The following CFH variants were observed in gnomAD, a reference collection of about 807,000 sequenced individuals.
CFH encodes H factor 1 (complement).
Under a neutral mutation model 147.3 loss-of-function variants are expected in CFH, and 53 were observed. The observed-to-expected ratio is 0.36, with a 90% CI of 0.29 to 0.45. The LOEUF (loss-of-function observed/expected upper bound fraction) is 0.45. CFH is among the 20% of genes least tolerant of loss of function. CFH has a pLI of 1.00. For missense variants in CFH, 1,380 were observed against 1,498.0 expected (o/e 0.92, Z 1.30); for synonymous variants, 536 against 489.4 (o/e 1.10, Z -1.26).
chr1:196,670,103 C>G (rs921516581), intron 1 of CFH, among the ~76,000 whole-genome samples: 1 of 152,144 alleles, frequency 6.6e-6, no homozygotes, highest in African/African-American at 2.4e-5. Flanking sequence ...TTGTTTTAGC[C>G]AATTCATCCC....
At chr1:196,672,023 T>A (rs928216776) in intron 1 of CFH, among the ~76,000 whole-genome samples, 1 of 151,950 alleles carries the variant, frequency 6.6e-6, no homozygotes, top group East Asian at 1.9e-4. Flanking sequence ...TGTATTTGAG[T>A]CAGATCCATT....
Position 196,673,020 on chromosome 1 carries a change from C to G in CFH, c.101C>G (p.Thr34Arg), listed in dbSNP as rs765897045. 16 of 1,613,902 alleles carry G rather than the reference C, an allele frequency of 9.9e-6. No individual in the cohort carries two copies. Among genetic ancestry groups the G allele is most frequent in the Non-Finnish European group, 1.4e-5 (16 of 1,179,938 alleles). ...CCAAGAAGAAATACAGAAATTCTGA[C>G]AGGTTCCTGGTCTGACCAAACATAT... ...LPPRRNTEIL[T>R]GSWSDQTYPE... Residue 34 changes from threonine (T) to arginine (R), a missense_variant, in exon 2 of 22, where the codon ACA becomes AGA. Around this residue, in one of 4 missense-constraint regions of CFH, gnomAD observed 260 missense variants for 263.3 expected, o/e 0.99. Coordinates refer to ENST00000367429, the MANE Select transcript of CFH (RefSeq NM_000186.4).
intron 8 of CFH, 33 bp downstream of exon 8, chr1:196,689,647 A>G (rs1305075680): frequency 1.2e-6 from 2 of 1,607,258 alleles, no homozygotes; most frequent in South Asian, 1.1e-5. Context: ...ATATATATGT[A>G]TAAAACTTTC....
intron 9 of CFH, among the ~76,000 whole-genome samples, chr1:196,703,877 G>A (rs1386135947): frequency 6.7e-6 from 1 of 150,324 alleles, no homozygotes; most frequent in East Asian, 2.0e-4. Context: ...CCAGCTACTC[G>A]GGAGGCTGAG....
chr1:196,728,391 T>C lies in CFH; in HGVS notation c.2282T>C (p.Leu761Pro), dbSNP rs942090960. 3.1e-6 allele frequency: 5 copies of C among 1,591,652 alleles called. No homozygotes were observed. The highest frequency in any genetic ancestry group is 4.3e-6 in the Non-Finnish European group (5 of 1,163,162). The stretch of plus-strand genomic sequence containing the variant: ...TGCAAATCATCAAATTTAATTATAC[T>C]TGAGGAACATTTAAAAAACAAGAAG... ...KKCKSSNLII[L>P]EEHLKNKKEF... Residue 761 changes from leucine to proline, a missense_variant, in exon 15 of 22, where the codon CTT (leucine) becomes CCT (proline). Physicochemically the swap from Leu to Pro is moderately conservative, Grantham distance 98 (BLOSUM62 -3). This residue lies in a region of CFH where 830 missense variants were observed against 821.4 expected (regional missense o/e 1.01). Transcript: ENST00000367429.
Position 196,726,800 on chromosome 1 carries a change from A to G in CFH, c.2096A>G (p.His699Arg). The G allele has an allele frequency of 6.2e-7, 1 of 1,613,882 alleles. No homozygotes were observed. Among genetic ancestry groups the G allele is most frequent in the Non-Finnish European group, 8.5e-7 (1 of 1,179,838 alleles). Residue 699 changes from histidine to arginine, a missense_variant, in exon 14 of 22, where the codon CAT (histidine) becomes CGT (arginine). Around this residue, in one of 4 missense-constraint regions of CFH, gnomAD observed 830 missense variants for 821.4 expected, o/e 1.01. Transcript: ENST00000367429. ...TGTGGAGATATACCTGAACTTGAAC[A>G]TGGCTGGGCCCAGCTTTCTTCCCCT... ...STCGDIPELE[H>R]GWAQLSSPPY...
At chr1:196,698,599 A>T (rs11580821) in intron 9 of CFH, among the ~76,000 whole-genome samples, 34,052 of 152,124 alleles carry the variant, frequency 0.22, 4,524 homozygotes, top group East Asian at 0.51. Context: ...TGCCAACCAA[A>T]AATAGCCCAG....
At chr1:196,721,701 T>C (rs1423277948) in intron 11 of CFH, among the ~76,000 whole-genome samples, 1 of 152,056 alleles carries the variant, frequency 6.6e-6, no homozygotes, top group Admixed American at 6.6e-5. Flanking sequence ...TCTTTCTACT[T>C]AGCTCTAGTA....
At chr1:196,661,684 A>G (rs1456449247) in intron 1 of CFH, among the ~76,000 whole-genome samples, 1 of 152,148 alleles carries the variant, frequency 6.6e-6, no homozygotes, top group African/African-American at 2.4e-5. Context: ...GTTTAAACAT[A>G]TAAATTGGGG....
At chr1:196,664,068 C>G (rs560278754) in intron 1 of CFH, among the ~76,000 whole-genome samples, 1 of 151,580 alleles carries the variant, frequency 6.6e-6, no homozygotes, top group Non-Finnish European at 1.5e-5. Context: ...TGTTTTTTTC[C>G]CCTTTTGTGA....
At chr1:196,710,617 C>A (rs1359459454) in intron 9 of CFH, among the ~76,000 whole-genome samples, 2 of 152,070 alleles carry the variant, frequency 1.3e-5, no homozygotes, top group Non-Finnish European at 1.5e-5. Flanking sequence ...ACTTTAGAAT[C>A]AGCATGTTCG....
In CFH at chr1:196,741,887, T is replaced by G. The variant is rs1652818917; in HGVS notation, c.2969T>G (p.Leu990Arg). 6.2e-7 allele frequency: 1 copy of G among 1,614,130 alleles called. No homozygotes were observed. The highest frequency in any genetic ancestry group is 1.1e-5 in the South Asian group (1 of 91,086). ...TTTCCTATTTCAGAAACAGATTGTC[T>G]CAGTTTACCTAGCTTTGAAAATGCC... ...HPPSCIKTDC[L>R]SLPSFENAIP... The change falls in exon 19 of 22, where the codon CTC becomes CGC. Residue 990 changes from leucine (L) to arginine (R), a missense_variant. By Grantham distance (102) the Leu-to-Arg change is moderately radical. This residue lies in a region of CFH where 830 missense variants were observed against 821.4 expected (regional missense o/e 1.01). Transcript: ENST00000367429.
At position 196,673,090 on chromosome 1, in the gene CFH, A is replaced by G; in HGVS notation, c.171A>G (p.Arg57=). 1.9e-6 allele frequency: 3 copies of G among 1,614,012 alleles called. No individual in the cohort carries two copies. The highest frequency in any genetic ancestry group is 2.5e-6 in the Non-Finnish European group (3 of 1,179,932). ...TCTATAAATGCCGCCCTGGATATAGATCTCTTGGAAATGTAATAATGGTAT... is the reference window on the plus strand; with the variant it reads ...TCTATAAATGCCGCCCTGGATATAGGTCTCTTGGAAATGTAATAATGGTAT... The part of the protein sequence containing the change: ...QAIYKCRPGY[R]SLGNVIMVCR... Residue 57 remains arginine (R), a synonymous_variant, in exon 2 of 22, where the codon AGA becomes AGG. Transcript: ENST00000367429.
chr1:196,666,511 G>A (rs1229959978), intron 1 of CFH, among the ~76,000 whole-genome samples: 1 of 151,818 alleles, frequency 6.6e-6, no homozygotes, highest in Non-Finnish European at 1.5e-5. Flanking sequence ...TGCTTGCCAA[G>A]TGCGGTGGCT....
chr1:196,732,460 A>G (rs1472763035), intron 15 of CFH, among the ~76,000 whole-genome samples: 1 of 151,908 alleles, frequency 6.6e-6, no homozygotes, highest in Admixed American at 6.6e-5. Flanking sequence ...AAACACCTAT[A>G]TCCACTTCCC....
chr1:196,668,452 A>G (rs1454705593), intron 1 of CFH, among the ~76,000 whole-genome samples: 1 of 152,096 alleles, frequency 6.6e-6, no homozygotes, highest in Admixed American at 6.5e-5. Context: ...CCTGGAAAAA[A>G]AATGTTTCCT....
chr1:196,734,697 G>A (rs1267523163), intron 15 of CFH, among the ~76,000 whole-genome samples: 2 of 151,940 alleles, frequency 1.3e-5, no homozygotes, highest in Non-Finnish European at 2.9e-5. Context: ...TACTGGCATC[G>A]TGCTGATGTC....
rs1165196106 is a variant in CFH at position 196,677,596 on chromosome 1, A to G, written c.548A>G (p.Lys183Arg). 5 of 1,613,232 alleles carry G rather than the reference A, an allele frequency of 3.1e-6. No individual in the cohort carries two copies. The highest frequency in any genetic ancestry group is 2.7e-5 in the African/African-American group (2 of 74,872). Residue 183 changes from lysine (K) to arginine (R), a missense_variant, in exon 5 of 22, where the codon AAG becomes AGG. Physicochemically the swap from Lys to Arg is conservative, Grantham distance 26. Around this residue, in one of 4 missense-constraint regions of CFH, gnomAD observed 260 missense variants for 263.3 expected, o/e 0.99. Transcript: ENST00000367429. The stretch of plus-strand genomic sequence containing the variant: ...CGGTTTGTATGTAACTCAGGCTACA[A>G]GATTGAAGGAGATGAAGAAATGCAT... ...AVRFVCNSGYKIEGDEEMHCS... is the reference protein window; with the variant it reads ...AVRFVCNSGYRIEGDEEMHCS...
intron 1 of CFH, among the ~76,000 whole-genome samples, chr1:196,661,641 C>T (rs1666909696): frequency 6.6e-6 from 1 of 152,158 alleles, no homozygotes; most frequent in Admixed American, 6.5e-5. Flanking sequence ...TCCCAGTGTC[C>T]CCACCTCCTA....
Sources: allele counts gnomAD v4.1 joint callset (sites outside exome capture counted in the v4.1 genomes callset), GRCh38; gene constraint gnomAD v4.1.1; regional missense constraint gnomAD v4.1.1; transcripts MANE v1.5; gene names NCBI Gene and HGNC (gene_info 2026-07-23, HGNC 2026-07-21).